Variants in CSMD1 observed in about 807,000 individuals in gnomAD.
The protein encoded by CSMD1 is CUB and sushi domain-containing protein 1.
A neutral mutation model predicts 417.5 loss-of-function variants in CSMD1; 213 were observed. The ratio of observed to expected loss-of-function variants is 0.51; its 90% CI spans 0.46 to 0.57. CSMD1 has a LOEUF of 0.57. Among genes scored for constraint, CSMD1 ranks in the 20% least tolerant of loss-of-function variants. The pLI, the probability that CSMD1 is intolerant of heterozygous loss-of-function variation, is 0.00. For missense variants in CSMD1, 6,923 were observed against 4,529.7 expected, an observed-to-expected ratio of 1.53 and a Z score of -15.17; for synonymous variants, 2,862 against 1,736.8, an observed-to-expected ratio of 1.65 and a Z score of -16.11.
At chr8:3,598,102 T>C (rs367901849) in intron 8 of CSMD1, among the ~76,000 whole-genome samples, 2 of 152,216 alleles carry the variant, frequency 1.3e-5, no homozygotes, top group African/African-American at 4.8e-5. Flanking sequence ...CTTGGGTCAT[T>C]CCTAGAAATA....
rs565354112 is a variant in CSMD1, at chr8:4,092,878, T to C, written c.416-60779A>G. On this transcript the variant is annotated intron_variant, in intron 3 of 69. Transcript: ENST00000635120. ...ATCATTATAAGTAGAATTTAAATAA[T>C]TACTTCTGGACTTGCCAAAACACAA... Among the ~76,000 whole-genome samples, 7 of 152,320 alleles carry C rather than the reference T, an allele frequency of 4.6e-5. No homozygotes were observed. The South Asian group carries it at 1.2e-3, about 27-fold the overall frequency.
chr8:2,946,650 A>G (rs1802261024), intron 68 of CSMD1, among the ~76,000 whole-genome samples: 1 of 152,174 alleles, frequency 6.6e-6, no homozygotes, highest in South Asian at 2.1e-4. Context: ...ATTGATAGAC[A>G]TTTTGGTTGT....
intron 7 of CSMD1, among the ~76,000 whole-genome samples, chr8:3,661,452 C>T (rs1179112334): frequency 6.6e-6 from 1 of 152,128 alleles, no homozygotes; most frequent in Non-Finnish European, 1.5e-5. Context: ...TGCTGTGATT[C>T]TAGGGGTTGC....
intron 1 of CSMD1, among the ~76,000 whole-genome samples, chr8:4,940,849 A>G (rs7462682): frequency 0.5 from 76,237 of 151,900 alleles, 20,317 homozygotes; most frequent in East Asian, 0.79. Context: ...TAAGGCTTAG[A>G]GGTCATGGTT....
chr8:4,267,534 A>G lies in CSMD1; in HGVS notation c.415+152419T>C, dbSNP rs573851500. Among the ~76,000 whole-genome samples, 236 of 151,958 alleles carry G rather than the reference A, an allele frequency of 1.6e-3. 1 individual carries two copies. Among genetic ancestry groups the G allele is most frequent in the African/African-American group, 5.5e-3 (227 of 41,540 alleles). On this transcript the variant is annotated intron_variant, in intron 3 of 69. Transcript: ENST00000635120. Reference sequence around the variant, plus strand: ...TAAGTATTGATCCCAGCTACACTGCAACTCCAATTGTAATAGAAATAGCAA... The same window carrying G: ...TAAGTATTGATCCCAGCTACACTGCGACTCCAATTGTAATAGAAATAGCAA...
chr8:3,260,802 T>C (rs1801003682), intron 26 of CSMD1, among the ~76,000 whole-genome samples: 1 of 152,112 alleles, frequency 6.6e-6, no homozygotes, highest in South Asian at 2.1e-4. Flanking sequence ...AAATGAGACT[T>C]CATCAAAACA....
At chr8:3,951,464 C>T (rs902983290) in intron 5 of CSMD1, among the ~76,000 whole-genome samples, 4 of 152,060 alleles carry the variant, frequency 2.6e-5, no homozygotes, top group African/African-American at 9.7e-5. Context: ...TATTTTCCTC[C>T]GCTTGTGGGA....
intron 1 of CSMD1, among the ~76,000 whole-genome samples, chr8:4,978,271 G>A (rs971792774): frequency 4.6e-5 from 7 of 152,168 alleles, no homozygotes; most frequent in African/African-American, 1.7e-4. Flanking sequence ...ACAGGCAGGT[G>A]GAGGTATAGC....
At chr8:3,791,065 C>G (rs1047505378) in intron 5 of CSMD1, among the ~76,000 whole-genome samples, 24 of 152,160 alleles carry the variant, frequency 1.6e-4, no homozygotes, top group African/African-American at 5.5e-4. Context: ...TTTATGGCTA[C>G]TTGGTGAGAA....
intron 2 of CSMD1, among the ~76,000 whole-genome samples, chr8:4,469,491 G>A (rs1204101415): frequency 1.3e-5 from 2 of 152,194 alleles, no homozygotes; most frequent in Non-Finnish European, 2.9e-5. Flanking sequence ...AAACAGGTGA[G>A]TAGATTTTAC....
At chr8:4,745,365 T>A (rs549590806) in intron 1 of CSMD1, among the ~76,000 whole-genome samples, 7 of 152,304 alleles carry the variant, frequency 4.6e-5, no homozygotes, top group African/African-American at 1.2e-4. Context: ...TACAAATGAT[T>A]TAGTAACAGC....
chr8:4,881,442 T>TCTAC (rs1803390992), intron 1 of CSMD1, among the ~76,000 whole-genome samples: 1 of 46,922 alleles, frequency 2.1e-5, no homozygotes, highest in Admixed American at 3.1e-4. Flanking sequence ...TATCTATCTA[T>TCTAC]CTATCTATCT....
chr8:4,853,927 G>A (rs1801635098), intron 1 of CSMD1, among the ~76,000 whole-genome samples: 1 of 152,250 alleles, frequency 6.6e-6, no homozygotes, highest in East Asian at 1.9e-4. Flanking sequence ...CTGGGTTTCA[G>A]AATTATGTGG....
intron 1 of CSMD1, among the ~76,000 whole-genome samples, chr8:4,984,617 G>C (rs1811073812): frequency 1.3e-5 from 2 of 152,094 alleles, no homozygotes; most frequent in African/African-American, 4.8e-5. Flanking sequence ...TCCATTATTT[G>C]ACATAGATTA....
intron 3 of CSMD1, among the ~76,000 whole-genome samples, chr8:4,220,577 G>A (rs1036483179): frequency 1.3e-5 from 2 of 152,206 alleles, no homozygotes; most frequent in African/African-American, 4.8e-5. Flanking sequence ...AATAATTGTG[G>A]CTTTTCCTAG....
At chr8:4,348,583 A>C (rs1024060749) in intron 3 of CSMD1, among the ~76,000 whole-genome samples, 1 of 121,578 alleles carries the variant, frequency 8.2e-6, no homozygotes, top group South Asian at 2.9e-4. Flanking sequence ...GTGTGTGTGT[A>C]TGCATGTGTG....
intron 3 of CSMD1, among the ~76,000 whole-genome samples, chr8:4,129,888 T>C (rs1463748906): frequency 6.6e-6 from 1 of 152,176 alleles, no homozygotes; most frequent in Non-Finnish European, 1.5e-5. Flanking sequence ...GTTTTGTGAA[T>C]ATAATATATC....
intron 8 of CSMD1, among the ~76,000 whole-genome samples, chr8:3,612,942 A>G (rs1299128937): frequency 1.3e-5 from 2 of 152,094 alleles, no homozygotes; most frequent in Non-Finnish European, 2.9e-5. Flanking sequence ...GCAGAAATCA[A>G]TGAAATTGAA....
At chr8:4,671,298 C>T (rs1389236293) in intron 1 of CSMD1, among the ~76,000 whole-genome samples, 2 of 152,112 alleles carry the variant, frequency 1.3e-5, no homozygotes, top group Non-Finnish European at 1.5e-5. Context: ...CCTAGGGAAA[C>T]GCTAACATGG....
Sources: gnomAD v4.1 joint callset for allele counts (sites outside exome capture counted in the v4.1 genomes callset) on GRCh38, gnomAD v4.1.1 for gene constraint, MANE v1.5 for transcripts, NCBI Gene and HGNC (gene_info 2026-07-23, HGNC 2026-07-21) for gene names.